SMYD3: variants seen among roughly 807,000 people sequenced by gnomAD.
The protein encoded by SMYD3 is SET and MYND domain containing 3.
Under a neutral mutation model 57.7 loss-of-function variants are expected in SMYD3, and 36 were observed. The observed-to-expected ratio is 0.62, with a 90% CI of 0.48 to 0.82. The LOEUF (loss-of-function observed/expected upper bound fraction) is 0.82. Among genes scored for constraint, SMYD3 ranks in the 40% least tolerant of loss-of-function variants. SMYD3 has a pLI of 0.00. For synonymous variants in SMYD3, 211 were observed against 195.0 expected, an observed-to-expected ratio of 1.08 and a Z score of -0.68; for missense variants, 515 against 538.8, an observed-to-expected ratio of 0.96 and a Z score of 0.44.
intron 8 of SMYD3, among the ~76,000 whole-genome samples, chr1:245,879,090 A>G (rs4654062): frequency 0.6 from 91,551 of 152,090 alleles, 30,459 homozygotes; most frequent in Non-Finnish European, 0.77. Context: ...CAGTGCAGCT[A>G]TAATCTTGAT....
At chr1:245,913,774 C>T (rs1572670809) in intron 8 of SMYD3, among the ~76,000 whole-genome samples, 1 of 152,036 alleles carries the variant, frequency 6.6e-6, no homozygotes, top group East Asian at 1.9e-4. Flanking sequence ...AACAACTCAA[C>T]AGCAAAAATA....
At chr1:246,159,524 T>C (rs1390051222) in intron 5 of SMYD3, among the ~76,000 whole-genome samples, 1 of 152,200 alleles carries the variant, frequency 6.6e-6, no homozygotes, top group Non-Finnish European at 1.5e-5. Context: ...AGGAAGTTTC[T>C]TGCTTTTAAC....
At chr1:246,315,512 A>G (rs2065142468) in intron 5 of SMYD3, among the ~76,000 whole-genome samples, 1 of 152,178 alleles carries the variant, frequency 6.6e-6, no homozygotes, top group African/African-American at 2.4e-5. Flanking sequence ...CAGTTTACAT[A>G]TCATCTAGGC....
At chr1:246,123,233 G>A (rs2061450505) in intron 5 of SMYD3, among the ~76,000 whole-genome samples, 1 of 152,142 alleles carries the variant, frequency 6.6e-6, no homozygotes, top group Non-Finnish European at 1.5e-5. Flanking sequence ...GCAAGCAGGT[G>A]ATAATCTAAA....
At chr1:246,029,192 C>G (rs1188084128) in intron 5 of SMYD3, among the ~76,000 whole-genome samples, 2 of 152,038 alleles carry the variant, frequency 1.3e-5, no homozygotes, top group Non-Finnish European at 2.9e-5. Context: ...GTACAGCCAA[C>G]AAAAATAGAC....
intron 5 of SMYD3, among the ~76,000 whole-genome samples, chr1:246,205,368 T>G (rs1461514433): frequency 6.6e-6 from 1 of 152,224 alleles, no homozygotes; most frequent in Non-Finnish European, 1.5e-5. Flanking sequence ...ATGGTCTCCC[T>G]CCTGGAGTCC....
rs556475621 is a variant in SMYD3 at position 245,920,124 on chromosome 1, T to C, written c.703-4484A>G. Among the ~76,000 whole-genome samples the C allele has an allele frequency of 1.7e-3, 254 of 152,058 alleles. 4 individuals carry two copies. The highest frequency in any genetic ancestry group is 5.0e-3 in the African/African-American group (208 of 41,494). ...GTCAGGAGATTGAGACCATCCTGGC[T>C]AACACGGTGAAACCCCGTCTCTACT... On this transcript the variant is annotated intron_variant, in intron 7 of 11. Coordinates refer to ENST00000490107, the MANE Select transcript of SMYD3 (RefSeq NM_001167740.2).
chr1:246,326,416 T>C (rs1340838079), intron 5 of SMYD3: 3 of 670,662 alleles, frequency 4.5e-6, no homozygotes, highest in Non-Finnish European at 8.1e-6. Context: ...AAAAAAAAAA[T>C]CAATCATCGC....
At chr1:245,829,327 A>G (rs1006071356) in intron 10 of SMYD3, among the ~76,000 whole-genome samples, 5 of 152,336 alleles carry the variant, frequency 3.3e-5, no homozygotes, top group Admixed American at 1.3e-4. Context: ...CCCTAGGGAT[A>G]TAAGATTAAA....
chr1:246,025,449 C>T (rs149531115), intron 5 of SMYD3, among the ~76,000 whole-genome samples: 4 of 152,336 alleles, frequency 2.6e-5, no homozygotes, highest in African/African-American at 7.2e-5. Flanking sequence ...AGACGTCTCA[C>T]ATCCCTCTAA....
chr1:246,097,615 A>G (rs768102496), intron 5 of SMYD3, among the ~76,000 whole-genome samples: 4 of 151,784 alleles, frequency 2.6e-5, no homozygotes, highest in Non-Finnish European at 4.4e-5. Flanking sequence ...TTAATTTCCA[A>G]CCCCCACAAT....
chr1:246,079,589 T>C (rs2060605041), intron 5 of SMYD3, among the ~76,000 whole-genome samples: 1 of 152,192 alleles, frequency 6.6e-6, no homozygotes, highest in African/African-American at 2.4e-5. Flanking sequence ...AAACTGCGCC[T>C]TGTATATCAT....
intron 5 of SMYD3, among the ~76,000 whole-genome samples, chr1:246,119,531 G>T (rs1190046318): frequency 6.6e-6 from 1 of 151,268 alleles, no homozygotes; most frequent in Non-Finnish European, 1.5e-5. Context: ...TCCTGCCTCA[G>T]CCTCCTGAGT....
At chr1:246,125,071 C>CAAA (rs35080862) in intron 5 of SMYD3, among the ~76,000 whole-genome samples, 2 of 121,710 alleles carry the variant, frequency 1.6e-5, no homozygotes, top group South Asian at 2.8e-4. Flanking sequence ...GACTCCGTCT[C>CAAA]AAAAAAAAAA....
At chr1:246,046,631 T>C (rs1224380782) in intron 5 of SMYD3, among the ~76,000 whole-genome samples, 3 of 148,054 alleles carry the variant, frequency 2.0e-5, no homozygotes, top group Non-Finnish European at 4.5e-5. Flanking sequence ...CAATAAAATA[T>C]ATATATATAA....
intron 10 of SMYD3, among the ~76,000 whole-genome samples, chr1:245,842,229 T>C (rs529327197): frequency 1.3e-5 from 2 of 152,320 alleles, no homozygotes; most frequent in South Asian, 2.1e-4. Context: ...GCATCTTTCA[T>C]TGTCAGCAAA....
intron 4 of SMYD3, among the ~76,000 whole-genome samples, chr1:246,329,870 A>G (rs2065430045): frequency 1.3e-5 from 2 of 152,230 alleles, no homozygotes; most frequent in Admixed American, 6.5e-5. Context: ...TGCCCTGGCT[A>G]GTTTTGAGTT....
chr1:246,126,486 A>C (rs1461057925), intron 5 of SMYD3, among the ~76,000 whole-genome samples: 1 of 152,234 alleles, frequency 6.6e-6, no homozygotes, highest in Admixed American at 6.5e-5. Context: ...AACATCCTTA[A>C]ATGTAAATTG....
At chr1:246,040,484 C>T (rs933433700) in intron 5 of SMYD3, among the ~76,000 whole-genome samples, 2 of 152,202 alleles carry the variant, frequency 1.3e-5, no homozygotes, top group East Asian at 1.9e-4. Context: ...CTGATGCTGC[C>T]GTCTGAGCAC....
Sources: gnomAD v4.1 joint callset for allele counts (sites outside exome capture counted in the v4.1 genomes callset) on GRCh38, gnomAD v4.1.1 for gene constraint, MANE v1.5 for transcripts, NCBI Gene and HGNC (gene_info 2026-07-23, HGNC 2026-07-21) for gene names.